The following PEX5L variants were observed in gnomAD, a reference collection of about 807,000 sequenced individuals.
PEX5L encodes the protein peroxisomal biogenesis factor 5 like.
Under a neutral mutation model 84.0 loss-of-function variants are expected in PEX5L, and 30 were observed. The observed-to-expected ratio is 0.36, with a 90% CI of 0.27 to 0.48. The LOEUF (loss-of-function observed/expected upper bound fraction) is 0.48, where lower values mean the gene tolerates loss of function less well. Ranked by LOEUF, PEX5L falls within the 20% of genes least tolerant of loss-of-function variation. The probability of loss-of-function intolerance (pLI) is 0.99; values close to 1 mark genes in which losing one functional copy is unlikely to be tolerated. For synonymous variants in PEX5L, 270 were observed against 283.1 expected (o/e 0.95, Z 0.46); for missense variants, 533 against 754.6 (o/e 0.71, Z 3.44).
chr3:179,831,762 C>G (rs114115334), intron 8 of PEX5L, among the ~76,000 whole-genome samples: 1 of 151,756 alleles, frequency 6.6e-6, no homozygotes, highest in Non-Finnish European at 1.5e-5. Context: ...TGTAATGGCA[C>G]GAGGAAAGAA....
chr3:179,983,149 A>C (rs980777684), intron 1 of PEX5L, among the ~76,000 whole-genome samples: 1 of 152,008 alleles, frequency 6.6e-6, no homozygotes, highest in Non-Finnish European at 1.5e-5. Context: ...GCATGCATAA[A>C]TATACATATT....
intron 1 of PEX5L, among the ~76,000 whole-genome samples, chr3:180,030,788 A>G (rs1445397143): frequency 6.6e-6 from 1 of 152,186 alleles, no homozygotes; most frequent in Non-Finnish European, 1.5e-5. Flanking sequence ...TCTCACTTGC[A>G]GGGTTTATCT....
chr3:179,965,539 C>T (rs1783117728), intron 2 of PEX5L, among the ~76,000 whole-genome samples: 1 of 152,194 alleles, frequency 6.6e-6, no homozygotes, highest in African/African-American at 2.4e-5. Context: ...AGCTATCTTA[C>T]CTGCCTCTGT....
chr3:180,014,879 C>T (rs1789811056), intron 1 of PEX5L, among the ~76,000 whole-genome samples: 1 of 152,138 alleles, frequency 6.6e-6, no homozygotes, highest in South Asian at 2.1e-4. Context: ...TCACCAAAGG[C>T]TTTTATTTCA....
At chr3:179,818,364 G>A (rs1023663739) in intron 9 of PEX5L, among the ~76,000 whole-genome samples, 4 of 151,872 alleles carry the variant, frequency 2.6e-5, no homozygotes, top group African/African-American at 4.8e-5. Flanking sequence ...AGGCATACAC[G>A]TATGTGATGT....
intron 8 of PEX5L, among the ~76,000 whole-genome samples, chr3:179,853,958 C>T (rs567610266): frequency 3.3e-4 from 49 of 150,284 alleles, no homozygotes; most frequent in Non-Finnish European, 5.3e-4. Context: ...ATGACAAGTA[C>T]GTGCCACCAT....
chr3:179,891,771 A>C (rs1432070586), intron 3 of PEX5L, among the ~76,000 whole-genome samples: 2 of 152,166 alleles, frequency 1.3e-5, no homozygotes, highest in Non-Finnish European at 2.9e-5. Flanking sequence ...GCATAGATTA[A>C]GAATAGCTTT....
intron 1 of PEX5L, among the ~76,000 whole-genome samples, chr3:179,990,408 T>C (rs950192508): frequency 3.7e-4 from 56 of 152,272 alleles, no homozygotes; most frequent in Admixed American, 1.8e-3. Flanking sequence ...ATCTTTTTTT[T>C]TTCTTTCAGT....
chr3:179,945,859 T>C (rs191593752), intron 2 of PEX5L, among the ~76,000 whole-genome samples: 26 of 152,266 alleles, frequency 1.7e-4, no homozygotes, highest in Admixed American at 3.9e-4. Context: ...GTTCTCCCAC[T>C]CGAGGTCACG....
rs1403419342 is a variant in PEX5L at position 179,800,442 on chromosome 3, A to G, written c.*1386T>C. On this transcript the variant is annotated 3_prime_UTR_variant, in exon 15 of 15. Coordinates refer to ENST00000467460, the MANE Select transcript of PEX5L (RefSeq NM_016559.3). ...CTATACCTGACATTGGGAAAATTAT[A>G]TTCTGATTAGCATTTTGCAAAAAAT... 2.0e-5 allele frequency: 3 copies of G among 152,238 alleles called. No homozygotes were observed. The highest frequency in any genetic ancestry group is 4.4e-5 in the Non-Finnish European group (3 of 68,042). The allele number at this position is 152,238 out of a possible 1,614,324, so 9.4% of individuals were successfully genotyped here. A position where few individuals can be genotyped will look rare whatever the true frequency, so the allele number is the denominator to read the frequency against.
At chr3:179,879,847 A>G (rs1753628700) in intron 5 of PEX5L, 82 bp downstream of exon 5, 4 of 951,172 alleles carry the variant, frequency 4.2e-6, no homozygotes, top group Non-Finnish European at 6.3e-6. Flanking sequence ...TTCTCTGTTT[A>G]ATGCCATTGG....
intron 2 of PEX5L, among the ~76,000 whole-genome samples, chr3:179,945,194 A>G (rs1287008612): frequency 1.3e-5 from 2 of 152,344 alleles, no homozygotes. Flanking sequence ...AGAAGCTGGC[A>G]GAATGGGGAT....
chr3:180,021,784 G>T (rs777129540), intron 1 of PEX5L, among the ~76,000 whole-genome samples: 2 of 152,172 alleles, frequency 1.3e-5, no homozygotes. Flanking sequence ...GTTAAGTTGG[G>T]GAGATGTAAC....
intron 2 of PEX5L, among the ~76,000 whole-genome samples, chr3:179,913,626 T>A (rs1226572912): frequency 6.6e-6 from 1 of 152,150 alleles, no homozygotes; most frequent in Non-Finnish European, 1.5e-5. Context: ...TCATTAAAAG[T>A]TGCTTATTTT....
chr3:179,917,930 A>G (rs1767811211), intron 2 of PEX5L, among the ~76,000 whole-genome samples: 2 of 152,154 alleles, frequency 1.3e-5, no homozygotes, highest in Non-Finnish European at 1.5e-5. Context: ...AAGTGCTGGG[A>G]TTAAAGGTGT....
chr3:179,977,950 T>C (rs1209873383), intron 1 of PEX5L, among the ~76,000 whole-genome samples: 1 of 152,184 alleles, frequency 6.6e-6, no homozygotes, highest in Non-Finnish European at 1.5e-5. Context: ...GGGTCAAGCA[T>C]GGGCAAACAA....
Position 180,021,105 on chromosome 3 carries a change from G to A in PEX5L, c.21+15474C>T, listed in dbSNP as rs138858292. On this transcript the variant is annotated intron_variant, in intron 1 of 14. Transcript: ENST00000467460. Reference sequence around the variant, plus strand: ...ATCTAACCCAGCCCTGGAGGTTTACGGAAGACTCCTTATAGGAAGTGATAC... The same window carrying A: ...ATCTAACCCAGCCCTGGAGGTTTACAGAAGACTCCTTATAGGAAGTGATAC... 1.8e-4 allele frequency among the ~76,000 whole-genome samples: 28 copies of A among 152,200 alleles called. 1 individual carries two copies. Among genetic ancestry groups the A allele is most frequent in the African/African-American group, 2.9e-4 (12 of 41,510 alleles).
At chr3:179,947,105 C>T (rs986282194) in intron 2 of PEX5L, among the ~76,000 whole-genome samples, 2 of 152,150 alleles carry the variant, frequency 1.3e-5, no homozygotes, top group African/African-American at 4.8e-5. Context: ...AAATCTCTCA[C>T]TGAGGTATTG....
intron 8 of PEX5L, among the ~76,000 whole-genome samples, chr3:179,828,624 C>A (rs1731436576): frequency 6.6e-6 from 1 of 151,808 alleles, no homozygotes; most frequent in Admixed American, 6.6e-5. Flanking sequence ...GGTATGTGAG[C>A]AGCAGTCTCC....
Sources: gnomAD v4.1 joint callset for allele counts (sites outside exome capture counted in the v4.1 genomes callset) on GRCh38, gnomAD v4.1.1 for gene constraint, MANE v1.5 for transcripts, NCBI Gene and HGNC (gene_info 2026-07-23, HGNC 2026-07-21) for gene names.